The following HRH1 variants were observed in gnomAD, a reference collection of about 807,000 sequenced individuals.
The protein encoded by HRH1 is histamine H1 receptor.
In HRH1, 6 loss-of-function variants were observed where a neutral mutation model predicts 10.3. The observed-to-expected ratio is 0.58, with a 90% CI of 0.32 to 1.15. HRH1 has a LOEUF of 1.15. Ranked by LOEUF, HRH1 falls within the 50% of genes most tolerant of loss-of-function variation. The pLI, the probability that HRH1 is intolerant of heterozygous loss-of-function variation, is 0.05. For synonymous variants in HRH1, 242 were observed against 236.7 expected, an observed-to-expected ratio of 1.02 and a Z score of -0.21; for missense variants, 514 against 615.3, an observed-to-expected ratio of 0.84 and a Z score of 1.74.
At chr3:11,170,341 G>A (rs940781709) in intron 1 of HRH1, among the ~76,000 whole-genome samples, 2 of 152,238 alleles carry the variant, frequency 1.3e-5, no homozygotes, top group Non-Finnish European at 2.9e-5. Flanking sequence ...TCTTAGAGAT[G>A]GAAAGAAGCT....
chr3:11,146,912 A>G (rs915296849), intron 1 of HRH1, among the ~76,000 whole-genome samples: 7 of 152,214 alleles, frequency 4.6e-5, no homozygotes, highest in Admixed American at 4.6e-4. Flanking sequence ...CTCAGCAGTG[A>G]CCTGTGTGGA....
intron 1 of HRH1, among the ~76,000 whole-genome samples, chr3:11,222,156 G>T (rs961286441): frequency 1.3e-5 from 2 of 152,098 alleles, no homozygotes; most frequent in African/African-American, 4.8e-5. Flanking sequence ...CTAGATACCA[G>T]TAGTCACTTA....
At chr3:11,207,178 C>T (rs1039713202) in intron 1 of HRH1, among the ~76,000 whole-genome samples, 2 of 151,714 alleles carry the variant, frequency 1.3e-5, no homozygotes, top group African/African-American at 2.4e-5. Context: ...GAGGGGAAGG[C>T]GGGAAAGGTA....
chr3:11,164,864 C>A (rs1256671898), intron 1 of HRH1, among the ~76,000 whole-genome samples: 1 of 152,180 alleles, frequency 6.6e-6, no homozygotes, highest in East Asian at 1.9e-4. Flanking sequence ...TTTCTTGGTG[C>A]TGAACTGAAT....
chr3:11,150,258 C>T (rs1015328156), upstream of HRH1, among the ~76,000 whole-genome samples: 9 of 152,272 alleles, frequency 5.9e-5, no homozygotes, highest in African/African-American at 2.2e-4. Flanking sequence ...GAAAATGGTC[C>T]ATTTTGATCA....
chr3:11,140,566 C>T (rs989189725), intron 1 of HRH1, among the ~76,000 whole-genome samples: 1 of 152,162 alleles, frequency 6.6e-6, no homozygotes, highest in African/African-American at 2.4e-5. Context: ...ATCCTCTCCC[C>T]GAAGCCACTT....
chr3:11,234,209 G>A, intron 1 of HRH1: 1 of 1,254,706 alleles, frequency 8.0e-7, no homozygotes, highest in Non-Finnish European at 1.1e-6. Context: ...TTTTGCAAAA[G>A]GTCCACTCCA....
chr3:11,260,115 C>T lies in HRH1; in HGVS notation c.1078C>T (p.Arg360Ter), dbSNP rs1377841613. 3 of 1,613,922 alleles carry T rather than the reference C, an allele frequency of 1.9e-6. No individual in the cohort carries two copies. Among genetic ancestry groups the T allele is most frequent in the Admixed American group, 1.7e-5 (1 of 59,988 alleles). The change falls in exon 2 of 2, where the codon CGA (arginine) becomes TGA (stop). Residue 360 changes from arginine to a stop codon, truncating the protein, a stop_gained. Transcript: ENST00000431010. LOFTEE classifies it high-confidence loss of function. The part of the protein sequence containing the change: ...QMLGDSQSFS[R>*]TDSDTTTETA... ...GTTAGGTGATAGCCAATCCTTCTCT[C>T]GAACGGACTCAGATACCACCACAGA...
intron 1 of HRH1, among the ~76,000 whole-genome samples, chr3:11,236,732 A>C (rs896361890): frequency 1.3e-5 from 2 of 152,250 alleles, no homozygotes; most frequent in African/African-American, 4.8e-5. Context: ...ATAAATATAT[A>C]AATAACCCCT....
chr3:11,171,636 C>A (rs1937153783), intron 1 of HRH1, among the ~76,000 whole-genome samples: 1 of 152,228 alleles, frequency 6.6e-6, no homozygotes, highest in South Asian at 2.1e-4. Context: ...AGCATTCAGA[C>A]ATCTGCCTCT....
chr3:11,250,553 T>C (rs1244082979), intron 1 of HRH1, among the ~76,000 whole-genome samples: 1 of 152,062 alleles, frequency 6.6e-6, no homozygotes, highest in Admixed American at 6.5e-5. Flanking sequence ...CAGGCTGGTG[T>C]TGATGAACTG....
At chr3:11,156,557 C>T (rs1374878071) in intron 1 of HRH1, among the ~76,000 whole-genome samples, 1 of 152,212 alleles carries the variant, frequency 6.6e-6, no homozygotes, top group Non-Finnish European at 1.5e-5. Context: ...GATTCTGGAG[C>T]TCACCTGTTG....
intron 1 of HRH1, among the ~76,000 whole-genome samples, chr3:11,246,077 ATCACACACAT>A (rs1939476487): frequency 6.6e-6 from 1 of 151,338 alleles, no homozygotes; most frequent in Non-Finnish European, 1.5e-5. Context: ...CTCACACACA[ATCACACACAT>A]TCACACTCAC....
At chr3:11,256,424 C>T (rs971873555) in intron 1 of HRH1, among the ~76,000 whole-genome samples, 4 of 152,046 alleles carry the variant, frequency 2.6e-5, no homozygotes, top group Non-Finnish European at 5.9e-5. Context: ...GGTGTTTTTC[C>T]AACAAAGACA....
At chr3:11,207,338 G>A (rs953045861) in intron 1 of HRH1, among the ~76,000 whole-genome samples, 3 of 152,100 alleles carry the variant, frequency 2.0e-5, no homozygotes, top group Non-Finnish European at 2.9e-5. Flanking sequence ...GCCAAGGCGG[G>A]TGGATCACGA....
chr3:11,147,878 A>T (rs1218116854), intron 1 of HRH1, among the ~76,000 whole-genome samples: 1 of 151,832 alleles, frequency 6.6e-6, no homozygotes, highest in Non-Finnish European at 1.5e-5. Context: ...TGCCTGGTCC[A>T]CTCTGTTTGA....
At chr3:11,220,743 G>C (rs1420768584) in intron 1 of HRH1, among the ~76,000 whole-genome samples, 1 of 152,156 alleles carries the variant, frequency 6.6e-6, no homozygotes, top group Non-Finnish European at 1.5e-5. Context: ...CAACCCCAGG[G>C]AAGGGTGGCC....
At chr3:11,175,354 C>G (rs1937229833) in intron 1 of HRH1, among the ~76,000 whole-genome samples, 1 of 152,136 alleles carries the variant, frequency 6.6e-6, no homozygotes. Flanking sequence ...TTTCTGACTC[C>G]CAAACTCCAT....
Position 11,233,815 on chromosome 3 carries a change from C to T in HRH1, c.-35-25188C>T, listed in dbSNP as rs79037817. Among the ~76,000 whole-genome samples, 678 of 152,302 alleles carry T rather than the reference C, an allele frequency of 4.5e-3. 4 individuals are homozygous for T. The highest frequency in any genetic ancestry group is 0.015 in the African/African-American group (639 of 41,560). On this transcript the variant is annotated intron_variant, in intron 1 of 1. Transcript: ENST00000431010. ...ATCTGGCCTCTGCTAGTAGAGGCCC[C>T]ACCCCAGCATTTTTAGGAGAAGATG... is the stretch of plus-strand genomic sequence containing the variant.
Sources: gnomAD v4.1 joint callset for allele counts (sites outside exome capture counted in the v4.1 genomes callset) on GRCh38, gnomAD v4.1.1 for gene constraint, MANE v1.5 for transcripts, NCBI Gene and HGNC (gene_info 2026-07-23, HGNC 2026-07-21) for gene names.